CEP350: variants seen among roughly 807,000 people sequenced by gnomAD.
The protein encoded by CEP350 is centrosomal protein 350, also known as centrosome-associated protein 350.
A neutral mutation model predicts 331.8 loss-of-function variants in CEP350; 126 were observed. The ratio of observed to expected loss-of-function variants is 0.38; its 90% confidence interval spans 0.33 to 0.44. The LOEUF is 0.44. Among genes scored for constraint, CEP350 ranks in the 20% least tolerant of loss-of-function variants. CEP350 has a pLI of 1.00. For synonymous variants in CEP350, 1,200 were observed against 1,259.5 expected, an observed-to-expected ratio of 0.95 and a Z score of 1.00; for missense variants, 3,406 against 3,634.6, an observed-to-expected ratio of 0.94 and a Z score of 1.62.
intron 1 of CEP350, among the ~76,000 whole-genome samples, chr1:179,962,078 C>A (rs1650671592): frequency 6.6e-6 from 1 of 151,906 alleles, no homozygotes; most frequent in Non-Finnish European, 1.5e-5. Flanking sequence ...AACTTGTGAG[C>A]TCAAGTGGTC....
In CEP350 at chr1:179,954,915, CG is replaced by C; in HGVS notation, c.-235del. 1.9e-5 allele frequency: 13 copies of C among 672,604 alleles called. No individual in the cohort carries two copies. Among genetic ancestry groups the C allele is most frequent in the South Asian group, 3.2e-5 (1 of 31,304 alleles). 41.7% of individuals were successfully genotyped at this position (672,604 alleles called of 1,614,324 possible). On this transcript the variant is annotated 5_prime_UTR_variant, in exon 1 of 38. Coordinates refer to ENST00000367607, the MANE Select transcript of CEP350 (RefSeq NM_014810.5). ...GAGAGAACTGCAGGGAGCCGCAGCT[CG>C]GGGGGTGGCTTGCCCTGAGGGAGGG...
At chr1:180,062,888 AT>A (rs1223539443) in intron 26 of CEP350, among the ~76,000 whole-genome samples, 1 of 152,236 alleles carries the variant, frequency 6.6e-6, no homozygotes, top group East Asian at 1.9e-4. Context: ...GGGGACAAAC[AT>A]TCAAACCGTA....
chr1:180,102,646 T>G (rs2149173636), intron 37 of CEP350, among the ~76,000 whole-genome samples: 1 of 152,370 alleles, frequency 6.6e-6, no homozygotes, highest in Admixed American at 6.5e-5. Context: ...GGTGCATTGT[T>G]TCTGCATCCT....
chr1:180,029,607 A>G (rs1475251233), intron 14 of CEP350, among the ~76,000 whole-genome samples: 5 of 152,208 alleles, frequency 3.3e-5, no homozygotes, highest in African/African-American at 9.6e-5. Flanking sequence ...GTATTCATTC[A>G]GCAATAACTC....
At chr1:180,078,220 A>G (rs1338570399) in intron 28 of CEP350, among the ~76,000 whole-genome samples, 1 of 152,194 alleles carries the variant, frequency 6.6e-6, no homozygotes, top group Non-Finnish European at 1.5e-5. Context: ...TTACTTTACC[A>G]TACATCAAGA....
rs1342641637 is a variant in CEP350, at chr1:180,006,583, A to G, written c.1246+16A>G. 3 of 1,182,780 alleles carry G rather than the reference A, an allele frequency of 2.5e-6. No individual in the cohort carries two copies. In the African/African-American group the frequency reaches 4.6e-5, roughly 18 times the overall value. 73.3% of individuals were successfully genotyped at this position (1,182,780 alleles called of 1,614,324 possible). A position where few individuals can be genotyped will look rare whatever the true frequency, so the allele number is the denominator to read the frequency against. On this transcript the variant is annotated intron_variant, in intron 8 of 37. Transcript: ENST00000367607. ...TGCAGAACAGGTTAGTTTTCTCAAC[A>G]TGTCCATCCTTTTTTTTTGTTTTTA...
intron 26 of CEP350, 69 bp downstream of exon 26, chr1:180,062,435 G>A (rs1658280820): frequency 6.9e-7 from 1 of 1,444,806 alleles, no homozygotes; most frequent in African/African-American, 1.4e-5. Flanking sequence ...CCTGTCTCAT[G>A]TTCTAAGATA....
Position 179,988,158 on chromosome 1 carries a change from G to A in CEP350, c.120+872G>A, listed in dbSNP as rs866008797. On this transcript the variant is annotated intron_variant, in intron 3 of 37. Coordinates refer to ENST00000367607, the MANE Select transcript of CEP350 (RefSeq NM_014810.5). ...ACAAAAGTACAAAAATTAGCTGGGT[G>A]TGGTGGCATGTGCCTGTGGTCCCAG... 3.9e-5 allele frequency among the ~76,000 whole-genome samples: 6 copies of A among 151,976 alleles called. No homozygotes were observed. The South Asian group carries it at 6.3e-4, about 16-fold the overall frequency.
chr1:179,958,271 G>A (rs1253782216), intron 1 of CEP350, among the ~76,000 whole-genome samples: 57 of 151,912 alleles, frequency 3.8e-4, no homozygotes, highest in Non-Finnish European at 8.8e-5. Context: ...AGGAAATTTG[G>A]CATTCCCTAT....
chr1:180,032,870 T>A (rs1173872492), intron 15 of CEP350, among the ~76,000 whole-genome samples: 4 of 152,120 alleles, frequency 2.6e-5, no homozygotes, highest in Non-Finnish European at 5.9e-5. Flanking sequence ...GTTAAAATGA[T>A]CATTCTTTTT....
At chr1:179,987,033 G>A (rs544174446) in intron 2 of CEP350, among the ~76,000 whole-genome samples, 26 of 152,188 alleles carry the variant, frequency 1.7e-4, no homozygotes, top group South Asian at 8.3e-4. Flanking sequence ...CCTTTAAACC[G>A]TATGTTGGGA....
intron 27 of CEP350, among the ~76,000 whole-genome samples, chr1:180,073,452 A>G (rs1659024072): frequency 6.6e-6 from 1 of 152,194 alleles, no homozygotes; most frequent in Admixed American, 6.5e-5. Context: ...TAATTGTTGT[A>G]CTGTCTGTTA....
At chr1:179,972,921 G>T (rs1651563943) in intron 1 of CEP350, among the ~76,000 whole-genome samples, 1 of 149,962 alleles carries the variant, frequency 6.7e-6, no homozygotes, top group African/African-American at 2.5e-5. Context: ...AGGCTGGAGT[G>T]CAGTGGCATG....
chr1:180,031,360 T>C lies in CEP350; in HGVS notation c.3591T>C (p.Leu1197=). ...SFTGNVQNSL[L]DEEKAERGSH... is the part of the protein sequence containing the mutation. ...CTGGAAATGTTCAGAACTCACTTCT[T>C]GATGAGGAAAAAGCAGAACGTGGCT... The change falls in exon 15 of 38, where the codon CTT becomes CTC. Residue 1197 remains leucine, a synonymous_variant. Coordinates refer to ENST00000367607, the MANE Select transcript of CEP350 (RefSeq NM_014810.5). 1.2e-6 allele frequency: 2 copies of C among 1,608,012 alleles called. No homozygotes were observed. Among genetic ancestry groups the C allele is most frequent in the South Asian group, 2.2e-5 (2 of 90,696 alleles).
chr1:180,018,829 A>G (rs189198558), intron 11 of CEP350, among the ~76,000 whole-genome samples: 4 of 151,248 alleles, frequency 2.6e-5, no homozygotes, highest in Admixed American at 2.6e-4. Flanking sequence ...ACCAAGGACA[A>G]AGCCTCATGT....
rs144031873 is a variant in CEP350 at position 180,093,940 on chromosome 1, T to C, written c.7835T>C (p.Phe2612Ser). Residue 2612 changes from phenylalanine (F) to serine (S), a missense_variant, in exon 34 of 38, where the codon TTT becomes TCT. By Grantham distance (155) the Phe-to-Ser change is radical. Around this residue, in one of 5 missense-constraint regions of CEP350, gnomAD observed 1,415 missense variants for 1,512.3 expected, o/e 0.94. Transcript: ENST00000367607. ...KDREKDVSEYFYEKSLPSVND... is the reference protein window; with the variant it reads ...KDREKDVSEYSYEKSLPSVND... ...AGAGAAAAGGATGTCAGTGAATATTTTTATGAGAAATCCCTACCTAGTGTG... is the reference window on the plus strand; with the variant it reads ...AGAGAAAAGGATGTCAGTGAATATTCTTATGAGAAATCCCTACCTAGTGTG... The C allele has an allele frequency of 2.1e-4, 338 of 1,613,858 alleles. 2 individuals are homozygous for C. The African/African-American group carries it at 3.7e-3, about 18-fold the overall frequency.
chr1:180,108,574 A>G (rs1183530776), intron 37 of CEP350, among the ~76,000 whole-genome samples: 2 of 152,204 alleles, frequency 1.3e-5, no homozygotes, highest in African/African-American at 4.8e-5. Context: ...TTGAATAACA[A>G]ATTCATTGGG....
intron 36 of CEP350, 80 bp from the exon 37 acceptor site, chr1:180,098,783 A>G: frequency 9.0e-7 from 1 of 1,115,600 alleles, no homozygotes; most frequent in Non-Finnish European, 1.3e-6. Context: ...CTTATCGTGA[A>G]TCTGTTTACT....
chr1:180,033,352 T>G (rs2148887020), intron 15 of CEP350, among the ~76,000 whole-genome samples: 1 of 152,258 alleles, frequency 6.6e-6, no homozygotes, highest in South Asian at 2.1e-4. Context: ...TATTAAGTAT[T>G]TAGAGATGAA....
Sources: gnomAD v4.1 joint callset for allele counts (sites outside exome capture counted in the v4.1 genomes callset) on GRCh38, gnomAD v4.1.1 for gene constraint, gnomAD v4.1.1 regional missense constraint, MANE v1.5 for transcripts, NCBI Gene and HGNC (gene_info 2026-07-23, HGNC 2026-07-21) for gene names.